Variants in RBFOX1 observed in about 807,000 individuals in gnomAD.
RBFOX1 encodes RNA binding fox-1 homolog 1, also known as RNA binding protein fox-1 homolog 1.
A neutral mutation model predicts 57.7 loss-of-function variants in RBFOX1; 8 were observed. The observed-to-expected ratio is 0.14, with a 90% confidence interval of 0.08 to 0.25. The LOEUF (loss-of-function observed/expected upper bound fraction) is 0.25. Among genes scored for constraint, RBFOX1 ranks in the 10% least tolerant of loss-of-function variants. The pLI is 1.00. For missense variants in RBFOX1, 611 were observed against 548.5 expected, an observed-to-expected ratio of 1.11 and a Z score of -1.14; for synonymous variants, 326 against 222.4, an observed-to-expected ratio of 1.47 and a Z score of -4.15.
chr16:6,347,375 A>C (rs369906025), intron 2 of RBFOX1, among the ~76,000 whole-genome samples: 7 of 152,218 alleles, frequency 4.6e-5, no homozygotes, highest in African/African-American at 1.7e-4. Flanking sequence ...TACAGCTGTG[A>C]ACAAACAGGC....
rs147066376 is a variant in RBFOX1 at position 5,951,026 on chromosome 16, G to T, written c.351+83691G>T. ...ACTTTTCATCACTGTCTCTCCAGGTGTAGACTAATTACCAGGTACCTCAGA... is the reference window on the plus strand; with the variant it reads ...ACTTTTCATCACTGTCTCTCCAGGTTTAGACTAATTACCAGGTACCTCAGA... On this transcript the variant is annotated intron_variant, in intron 4 of 19. Coordinates refer to the RBFOX1 transcript ENST00000641259. Among the ~76,000 whole-genome samples the T allele has an allele frequency of 5.3e-3, 802 of 152,292 alleles. 6 individuals carry two copies. The highest frequency in any genetic ancestry group is 0.019 in the African/African-American group (774 of 41,558).
At chr16:5,577,137 C>G (rs764278152) in intron 2 of RBFOX1, among the ~76,000 whole-genome samples, 3 of 152,188 alleles carry the variant, frequency 2.0e-5, no homozygotes, top group African/African-American at 7.2e-5. Flanking sequence ...CCCTCGGAGC[C>G]CCATGTGGGA....
intron 4 of RBFOX1, among the ~76,000 whole-genome samples, chr16:7,160,969 A>C (rs931201761): frequency 6.6e-6 from 1 of 152,102 alleles, no homozygotes; most frequent in African/African-American, 2.4e-5. Flanking sequence ...CAAACCTTCA[A>C]TGGTTAGGAA....
chr16:7,339,602 G>T (rs2096855196), intron 4 of RBFOX1, among the ~76,000 whole-genome samples: 1 of 152,076 alleles, frequency 6.6e-6, no homozygotes, highest in Non-Finnish European at 1.5e-5. Context: ...ACCACAACCA[G>T]CTTATTTTTG....
chr16:6,928,480 G>C (rs1306275774), intron 3 of RBFOX1, among the ~76,000 whole-genome samples: 3 of 152,156 alleles, frequency 2.0e-5, no homozygotes, highest in Admixed American at 6.5e-5. Flanking sequence ...GTTCAACTCA[G>C]AAATAAGACT....
At chr16:6,112,477 G>A (rs1396589392) in intron 1 of RBFOX1, among the ~76,000 whole-genome samples, 2 of 152,168 alleles carry the variant, frequency 1.3e-5, no homozygotes, top group Non-Finnish European at 2.9e-5. Context: ...GATCACCTGA[G>A]GTTGGGAGTT....
intron 4 of RBFOX1, among the ~76,000 whole-genome samples, chr16:5,923,423 C>A (rs942754190): frequency 6.6e-6 from 1 of 151,672 alleles, no homozygotes; most frequent in African/African-American, 2.4e-5. Flanking sequence ...AGCCCCAGCT[C>A]CAGCAAGGAC....
intron 5 of RBFOX1, among the ~76,000 whole-genome samples, chr16:7,525,599 G>C (rs1040040259): frequency 1.3e-5 from 2 of 152,136 alleles, no homozygotes; most frequent in Non-Finnish European, 1.5e-5. Flanking sequence ...CCAACTCTTG[G>C]CTCATGTCCC....
At chr16:5,244,770 C>A (rs1287361978) in intron 1 of RBFOX1, among the ~76,000 whole-genome samples, 1 of 152,200 alleles carries the variant, frequency 6.6e-6, no homozygotes, top group African/African-American at 2.4e-5. Flanking sequence ...GTGCTGCCTG[C>A]GCAGGTTGGT....
intron 5 of RBFOX1, among the ~76,000 whole-genome samples, chr16:7,529,087 T>C (rs1195896248): frequency 6.6e-6 from 1 of 152,106 alleles, no homozygotes; most frequent in Non-Finnish European, 1.5e-5. Flanking sequence ...GGTGAAACCC[T>C]GTCTCGACAC....
chr16:7,247,765 G>A (rs957849138), intron 4 of RBFOX1, among the ~76,000 whole-genome samples: 11 of 152,282 alleles, frequency 7.2e-5, no homozygotes, highest in African/African-American at 2.6e-4. Flanking sequence ...CAAGGTCGGT[G>A]CTGTTCATCT....
At chr16:7,280,841 C>T (rs2095526357) in intron 4 of RBFOX1, among the ~76,000 whole-genome samples, 1 of 152,008 alleles carries the variant, frequency 6.6e-6, no homozygotes, top group Non-Finnish European at 1.5e-5. Flanking sequence ...GGTGCAAAAT[C>T]ACCCACTGCT....
intron 4 of RBFOX1, among the ~76,000 whole-genome samples, chr16:7,343,549 A>G (rs565679521): frequency 5.3e-4 from 81 of 152,284 alleles, no homozygotes; most frequent in African/African-American, 1.9e-3. Context: ...CTTGGAAGCA[A>G]ATGCCAACTG....
chr16:6,638,578 C>T (rs898691337), intron 2 of RBFOX1, among the ~76,000 whole-genome samples: 4 of 152,094 alleles, frequency 2.6e-5, no homozygotes, highest in African/African-American at 9.7e-5. Flanking sequence ...AAATGGCTAT[C>T]GGTATGTTCT....
At chr16:6,356,429 ACTTGT>A (rs2087335132) in intron 2 of RBFOX1, among the ~76,000 whole-genome samples, 1 of 152,190 alleles carries the variant, frequency 6.6e-6, no homozygotes, top group East Asian at 1.9e-4. Context: ...CAGAGCGAGA[ACTTGT>A]CTTAAAAAAC....
At chr16:5,828,151 A>G (rs1278324825) in intron 3 of RBFOX1, among the ~76,000 whole-genome samples, 5 of 151,824 alleles carry the variant, frequency 3.3e-5, no homozygotes, top group Admixed American at 3.3e-4. Context: ...CCATGCATTC[A>G]GTCTATCCAT....
At chr16:5,966,371 C>T (rs890456093) in intron 4 of RBFOX1, among the ~76,000 whole-genome samples, 9 of 152,160 alleles carry the variant, frequency 5.9e-5, no homozygotes, top group Admixed American at 4.6e-4. Context: ...GGCTTTTGCT[C>T]ATGGCAGAAG....
intron 4 of RBFOX1, among the ~76,000 whole-genome samples, chr16:5,955,726 A>G (rs2059624744): frequency 6.6e-6 from 1 of 152,208 alleles, no homozygotes; most frequent in African/African-American, 2.4e-5. Context: ...AAGCTTACAG[A>G]TATTTCTAAT....
intron 3 of RBFOX1, among the ~76,000 whole-genome samples, chr16:5,651,857 G>T (rs901147557): frequency 2.2e-4 from 34 of 152,280 alleles, no homozygotes; most frequent in African/African-American, 7.9e-4. Context: ...TTTTAGGCCG[G>T]GCACAGTGGC....
Sources: gnomAD v4.1 joint callset for allele counts (sites outside exome capture counted in the v4.1 genomes callset) on GRCh38, gnomAD v4.1.1 for gene constraint, MANE v1.5 for transcripts, NCBI Gene and HGNC (gene_info 2026-07-23, HGNC 2026-07-21) for gene names.